FANCD2: variants seen among roughly 807,000 people sequenced by gnomAD.
FANCD2 encodes the protein FA complementation group D2.
FANCD2 carries 131 observed loss-of-function variants against 192.3 expected under a neutral mutation model. The ratio of observed to expected loss-of-function variants is 0.68; its 90% CI spans 0.59 to 0.79. FANCD2 has a LOEUF of 0.79. FANCD2 is among the 30% of genes least tolerant of loss of function. The pLI is 0.00. For missense variants in FANCD2, 1,508 were observed against 1,701.6 expected (o/e 0.89, Z 2.00); for synonymous variants, 524 against 612.5 (o/e 0.86, Z 2.13).
intron 37 of FANCD2, among the ~76,000 whole-genome samples, chr3:10,091,910 T>C (rs980981950): frequency 2.0e-5 from 3 of 152,170 alleles, no homozygotes; most frequent in African/African-American, 7.2e-5. Context: ...CTGGCCAACA[T>C]GGTCAGTATA....
At chr3:10,086,885 C>A (rs1249681748) in intron 33 of FANCD2, among the ~76,000 whole-genome samples, 1 of 152,160 alleles carries the variant, frequency 6.6e-6, no homozygotes, top group Non-Finnish European at 1.5e-5. Context: ...GGTTTCTCAG[C>A]ATACATGACC....
At chr3:10,042,427 GTTTTTCCCT>G in intron 10 of FANCD2, 123 bp from the exon 11 acceptor site, 1 of 757,418 alleles carries the variant, frequency 1.3e-6, no homozygotes, top group Non-Finnish European at 2.3e-6. Flanking sequence ...CTAAAATTTT[GTTTTTCCCT>G]AAATTATAAG....
Position 10,101,318 on chromosome 3 carries a change from T to C in FANCD2, c.*56T>C, listed in dbSNP as rs937081648. 1 of 1,319,906 alleles carries C rather than the reference T, an allele frequency of 7.6e-7. No individual in the cohort carries two copies. The highest frequency in any genetic ancestry group is 1.4e-5 in the African/African-American group (1 of 69,884). The allele number at this position is 1,319,906 out of a possible 1,614,324, so 81.8% of individuals were successfully genotyped here. On this transcript the variant is annotated 3_prime_UTR_variant, in exon 44 of 44. Transcript: ENST00000675286. ...TCTCTGCCAGCCTGTGATCATTTTG[T>C]GTTAGAGTTTGAAATCCGCTGTTTG... is the stretch of plus-strand genomic sequence containing the variant.
At chr3:10,096,047 A>G (rs1024826884) in intron 41 of FANCD2, among the ~76,000 whole-genome samples, 10 of 152,216 alleles carry the variant, frequency 6.6e-5, no homozygotes, top group Admixed American at 1.3e-4. Flanking sequence ...TCAGTAAAAT[A>G]TATATTCAAG....
At chr3:10,058,126 CT>C (rs1240737780) in intron 18 of FANCD2, 2 of 440,978 alleles carry the variant, frequency 4.5e-6, no homozygotes, top group African/African-American at 2.0e-5. Flanking sequence ...TGCCTTTGTT[CT>C]TATTGGTGTC....
chr3:10,047,592 G>T (rs1469524778), intron 15 of FANCD2, among the ~76,000 whole-genome samples: 1 of 151,914 alleles, frequency 6.6e-6, no homozygotes, highest in Non-Finnish European at 1.5e-5. Flanking sequence ...CCTGGGGGTA[G>T]TATGATTGCA....
chr3:10,091,241 C>T (rs953604063), intron 37 of FANCD2, among the ~76,000 whole-genome samples: 4 of 150,830 alleles, frequency 2.7e-5, no homozygotes, highest in Non-Finnish European at 4.4e-5. Flanking sequence ...CCACCATGCC[C>T]GGCTAATTTT....
At chr3:10,062,244 TGTC>T (rs761571860) in intron 20 of FANCD2, 33 bp downstream of exon 20, 2 of 1,575,250 alleles carry the variant, frequency 1.3e-6, no homozygotes, top group Non-Finnish European at 1.7e-6. Flanking sequence ...TTCTTTTTCC[TGTC>T]TTTTTTTTTT....
At chr3:10,067,142 TA>T in intron 25 of FANCD2, 66 bp from the exon 26 acceptor site, 1 of 1,025,944 alleles carries the variant, frequency 9.7e-7, no homozygotes, top group Non-Finnish European at 1.5e-6. Flanking sequence ...CAGCTCTGGA[TA>T]AATAATATAA....
intron 26 of FANCD2, among the ~76,000 whole-genome samples, chr3:10,069,294 GA>G (rs996570416): frequency 7.2e-4 from 109 of 151,828 alleles, no homozygotes; most frequent in Non-Finnish European, 8.1e-4. Context: ...ATAAAGATAG[GA>G]AAAAAAATTA....
chr3:10,036,890 C>G lies in FANCD2; in HGVS notation c.491+551C>G, dbSNP rs1339008468. ...TCACTCTGTTGCCCAGGCTGGAGTG[C>G]CGTAGTACGATCATGGCTCACTGAG... On this transcript the variant is annotated intron_variant, in intron 7 of 43. Transcript: ENST00000675286. Among the ~76,000 whole-genome samples, 3 of 152,010 alleles carry G rather than the reference C, an allele frequency of 2.0e-5. No homozygotes were observed. In the East Asian group the frequency reaches 5.8e-4, roughly 29 times the overall value.
chr3:10,047,855 T>A, intron 15 of FANCD2, 62 bp from the exon 16 acceptor site: 2 of 1,602,822 alleles, frequency 1.2e-6, no homozygotes, highest in Admixed American at 1.7e-5. Context: ...TAAGCAACTC[T>A]TAGGTTGTGT....
chr3:10,087,146 T>C lies in FANCD2; in HGVS notation c.3348T>C (p.His1116=). The part of the protein sequence containing the change: ...PLEELLSQSV[H]YLQNFHQSIP... ...TGTCTCCTTACAGCCAGAGCGTCCATTACTTGCAGAATTTCCATCAAAGCA... is the reference window on the plus strand; with the variant it reads ...TGTCTCCTTACAGCCAGAGCGTCCACTACTTGCAGAATTTCCATCAAAGCA... The change falls in exon 34 of 44, where the codon CAT becomes CAC. Residue 1116 remains histidine (H), a synonymous_variant. Coordinates refer to ENST00000675286, the MANE Select transcript of FANCD2 (RefSeq NM_001018115.3). 2 of 1,614,134 alleles carry C rather than the reference T, an allele frequency of 1.2e-6. No homozygotes were observed. The highest frequency in any genetic ancestry group is 1.7e-6 in the Non-Finnish European group (2 of 1,180,016).
At chr3:10,095,488 A>G in intron 41 of FANCD2, 1 of 596,994 alleles carries the variant, frequency 1.7e-6, no homozygotes, top group East Asian at 2.8e-5. Context: ...TCAAACTCCA[A>G]AGCTCTTTTT....
At position 10,098,738 on chromosome 3, in the gene FANCD2, C is replaced by G. The variant is rs778677652; in HGVS notation, c.4204C>G (p.Gln1402Glu). The G allele has an allele frequency of 1.2e-6, 2 of 1,614,122 alleles. No homozygotes were observed. Among genetic ancestry groups the G allele is most frequent in the Admixed American group, 1.7e-5 (1 of 60,002 alleles). ...RDLQGEEIKS[Q>E]NSQESTADES... ...CATTTAGGGTGAAGAGATTAAGTCC[C>G]AAAATTCCCAGGAGAGCACAGCAGA... The change falls in exon 43 of 44, where the codon CAA becomes GAA. Residue 1402 changes from glutamine (Q) to glutamate (E), a missense_variant. Gln to Glu is a conservative substitution (Grantham distance 29). Transcript: ENST00000675286.
chr3:10,055,591 T>C (rs1210015592), intron 18 of FANCD2, among the ~76,000 whole-genome samples: 2 of 152,060 alleles, frequency 1.3e-5, no homozygotes, highest in Non-Finnish European at 2.9e-5. Context: ...GGCGGGCAGA[T>C]CATGAGGTCA....
chr3:10,070,187 A>T (rs1309995214), intron 26 of FANCD2, among the ~76,000 whole-genome samples: 1 of 138,228 alleles, frequency 7.2e-6, no homozygotes, highest in Non-Finnish European at 1.6e-5. Flanking sequence ...TCCGCCCGGC[A>T]ACCGCCCCGT....
intron 34 of FANCD2, among the ~76,000 whole-genome samples, chr3:10,087,690 C>G (rs866707895): frequency 2.2e-4 from 33 of 152,030 alleles, no homozygotes; most frequent in South Asian, 4.1e-4. Flanking sequence ...TTCTGTCACC[C>G]AGGCTGGAGT....
intron 18 of FANCD2, chr3:10,058,307 C>T (rs1354485772): frequency 1.9e-5 from 3 of 157,624 alleles, no homozygotes; most frequent in Middle Eastern, 2.9e-3. Context: ...TGTTTTTCAT[C>T]GCTGGCACCA....
Sources: allele counts gnomAD v4.1 joint callset (sites outside exome capture counted in the v4.1 genomes callset), GRCh38; gene constraint gnomAD v4.1.1; transcripts MANE v1.5; gene names NCBI Gene and HGNC (gene_info 2026-07-23, HGNC 2026-07-21).